DCC: variants seen among roughly 807,000 people sequenced by gnomAD.
DCC encodes netrin receptor DCC.
A neutral mutation model predicts 172.5 loss-of-function variants in DCC; 58 were observed. The observed-to-expected ratio is 0.34, with a 90% CI of 0.27 to 0.42. The LOEUF is 0.42. DCC is among the 10% of genes least tolerant of loss of function. The pLI is 1.00. For synonymous variants in DCC, 709 were observed against 644.5 expected (o/e 1.10, Z -1.52); for missense variants, 1,740 against 1,791.0 (o/e 0.97, Z 0.51).
At chr18:53,113,988 A>C (rs999390473) in intron 7 of DCC, among the ~76,000 whole-genome samples, 1 of 151,468 alleles carries the variant, frequency 6.6e-6, no homozygotes, top group African/African-American at 2.4e-5. Flanking sequence ...CATTCTCTCT[A>C]AATTTCAAGC....
At chr18:53,029,688 A>G (rs905806942) in intron 5 of DCC, among the ~76,000 whole-genome samples, 2 of 151,942 alleles carry the variant, frequency 1.3e-5, no homozygotes, top group Non-Finnish European at 2.9e-5. Context: ...TTTGATTTTG[A>G]TTGAAGTAAC....
At chr18:53,450,152 C>T (rs554343451) in intron 22 of DCC, among the ~76,000 whole-genome samples, 1 of 151,424 alleles carries the variant, frequency 6.6e-6, no homozygotes, top group South Asian at 2.1e-4. Flanking sequence ...TACACACACA[C>T]ATACACACAT....
chr18:52,773,831 T>C (rs1032639954), intron 2 of DCC, among the ~76,000 whole-genome samples: 2 of 151,978 alleles, frequency 1.3e-5, no homozygotes, highest in South Asian at 2.1e-4. Context: ...GCCCAGCCCA[T>C]ATATATATAT....
chr18:52,887,910 A>T (rs1350848051), intron 2 of DCC, among the ~76,000 whole-genome samples: 1 of 152,136 alleles, frequency 6.6e-6, no homozygotes, highest in Non-Finnish European at 1.5e-5. Context: ...TTTTCACTGA[A>T]GTAATACAGC....
chr18:52,973,203 T>C (rs567102735), intron 5 of DCC, among the ~76,000 whole-genome samples: 2 of 152,308 alleles, frequency 1.3e-5, no homozygotes, highest in African/African-American at 4.8e-5. Context: ...CTATGGAAGA[T>C]GGGGTTATAG....
At chr18:53,259,626 C>A (rs1016092103) in intron 12 of DCC, among the ~76,000 whole-genome samples, 1 of 152,172 alleles carries the variant, frequency 6.6e-6, no homozygotes, top group African/African-American at 2.4e-5. Flanking sequence ...TGACCTTTCT[C>A]TGTGGCTGCC....
At chr18:53,274,866 A>G (rs2056788266) in intron 12 of DCC, among the ~76,000 whole-genome samples, 1 of 152,092 alleles carries the variant, frequency 6.6e-6, no homozygotes, top group Non-Finnish European at 1.5e-5. Flanking sequence ...AACTGAATCC[A>G]AATCTGCATT....
chr18:53,486,120 T>C (rs1006303453), intron 25 of DCC, among the ~76,000 whole-genome samples: 3 of 152,088 alleles, frequency 2.0e-5, no homozygotes, highest in African/African-American at 7.2e-5. Context: ...AATAATGAAA[T>C]TGAACAATAC....
At chr18:53,041,649 T>TA (rs2042170419) in intron 5 of DCC, among the ~76,000 whole-genome samples, 1 of 152,122 alleles carries the variant, frequency 6.6e-6, no homozygotes, top group Non-Finnish European at 1.5e-5. Context: ...TCCATGAGCA[T>TA]GGACTATTTT....
intron 25 of DCC, among the ~76,000 whole-genome samples, chr18:53,474,659 AC>A (rs1228532795): frequency 6.6e-6 from 1 of 152,252 alleles, no homozygotes; most frequent in African/African-American, 2.4e-5. Flanking sequence ...CTCCCCAGCC[AC>A]ATGGAACTGT....
At chr18:53,053,316 A>G (rs1279982419) in intron 5 of DCC, among the ~76,000 whole-genome samples, 2 of 152,148 alleles carry the variant, frequency 1.3e-5, no homozygotes, top group African/African-American at 4.8e-5. Flanking sequence ...ATAAGAAAGT[A>G]AATCCTTTTT....
chr18:53,078,970 C>T (rs1370648621), intron 7 of DCC, among the ~76,000 whole-genome samples: 2 of 152,086 alleles, frequency 1.3e-5, no homozygotes, highest in Non-Finnish European at 2.9e-5. Context: ...GTTGACCTAC[C>T]TGCTAATCAG....
intron 13 of DCC, among the ~76,000 whole-genome samples, chr18:53,318,877 C>T (rs2057374553): frequency 1.3e-5 from 2 of 151,376 alleles, no homozygotes; most frequent in Admixed American, 1.3e-4. Context: ...GTCAAGTTAT[C>T]CACAAAGGGA....
At chr18:53,173,876 A>C (rs531441526) in intron 8 of DCC, among the ~76,000 whole-genome samples, 1 of 122,440 alleles carries the variant, frequency 8.2e-6, no homozygotes, top group Admixed American at 9.0e-5. Context: ...CAGAATATAC[A>C]TTTTTTTCAG....
chr18:52,541,792 G>A (rs2032456281), intron 1 of DCC, among the ~76,000 whole-genome samples: 1 of 150,300 alleles, frequency 6.7e-6, no homozygotes, highest in Non-Finnish European at 1.5e-5. Context: ...ATGAATCTAT[G>A]GCTTTGGTCT....
At chr18:52,814,940 G>C (rs1253428777) in intron 2 of DCC, among the ~76,000 whole-genome samples, 1 of 152,120 alleles carries the variant, frequency 6.6e-6, no homozygotes, top group Non-Finnish European at 1.5e-5. Flanking sequence ...ATATTTCTGA[G>C]TTGCTTGAAA....
chr18:52,388,061 G>A (rs1985886199), intron 1 of DCC, among the ~76,000 whole-genome samples: 1 of 151,932 alleles, frequency 6.6e-6, no homozygotes, highest in Non-Finnish European at 1.5e-5. Flanking sequence ...CTGGTACCAG[G>A]CAGGGCTCAG....
chr18:53,348,597 T>C (rs2057752134), intron 15 of DCC, among the ~76,000 whole-genome samples: 1 of 152,140 alleles, frequency 6.6e-6, no homozygotes, highest in Non-Finnish European at 1.5e-5. Flanking sequence ...TGATCCCACA[T>C]TTTCCTTCTG....
intron 5 of DCC, among the ~76,000 whole-genome samples, chr18:52,964,177 A>C (rs899389971): frequency 6.6e-6 from 1 of 152,174 alleles, no homozygotes; most frequent in African/African-American, 2.4e-5. Flanking sequence ...GAACTTACCT[A>C]AGGAGACTTG....
Sources: gnomAD v4.1 joint callset for allele counts (sites outside exome capture counted in the v4.1 genomes callset) on GRCh38, gnomAD v4.1.1 for gene constraint, MANE v1.5 for transcripts, NCBI Gene and HGNC (gene_info 2026-07-23, HGNC 2026-07-21) for gene names.